LGSN: variants seen among roughly 807,000 people sequenced by gnomAD.
LGSN encodes lengsin.
A neutral mutation model predicts 19.5 loss-of-function variants in LGSN; 21 were observed. That is an observed-to-expected ratio of 1.07 (90% CI 0.76 to 1.55). The LOEUF (loss-of-function observed/expected upper bound fraction) is 1.55, where lower values mean the gene tolerates loss of function less well. Among genes scored for constraint, LGSN ranks in the 40% most tolerant of loss-of-function variants. LGSN has a pLI of 0.00. For missense variants in LGSN, 673 were observed against 608.5 expected, an observed-to-expected ratio of 1.11 and a Z score of -1.12; for synonymous variants, 257 against 215.6, an observed-to-expected ratio of 1.19 and a Z score of -1.68.
At chr6:63,551,389 C>T in the LGSN span, among the ~76,000 whole-genome samples, 2 of 151,996 alleles carry the variant, frequency 1.3e-5, no homozygotes, top group African/African-American at 4.8e-5. Context: ...TGGGCAACAA[C>T]AACAAAAAAT....
the LGSN span, among the ~76,000 whole-genome samples, chr6:63,403,978 C>T: frequency 6.6e-6 from 1 of 151,998 alleles, no homozygotes; most frequent in Non-Finnish European, 1.5e-5. Context: ...CTCTTTCTCT[C>T]TCCATTGCTG....
At chr6:63,572,882 G>A in the LGSN span, among the ~76,000 whole-genome samples, 12 of 152,148 alleles carry the variant, frequency 7.9e-5, no homozygotes, top group African/African-American at 2.9e-4. Context: ...CCCTGTGGCC[G>A]GCCGATTGCG....
At chr6:63,445,761 C>T in the LGSN span, among the ~76,000 whole-genome samples, 1 of 152,120 alleles carries the variant, frequency 6.6e-6, no homozygotes, top group Non-Finnish European at 1.5e-5. Flanking sequence ...GCTTTATAAA[C>T]TCTCATCTGA....
the LGSN span, among the ~76,000 whole-genome samples, chr6:63,430,587 C>T: frequency 6.6e-5 from 10 of 152,030 alleles, no homozygotes; most frequent in Non-Finnish European, 1.5e-4. Flanking sequence ...TGGGATTTCA[C>T]CATGTGGCTA....
At chr6:63,341,147 G>C in the LGSN span, among the ~76,000 whole-genome samples, 1 of 152,180 alleles carries the variant, frequency 6.6e-6, no homozygotes, top group South Asian at 2.1e-4. Context: ...ACACCAGGCA[G>C]TCCAGTCCTC....
the LGSN span, chr6:63,572,201 ATC>A: frequency 1.9e-5 from 3 of 156,092 alleles, no homozygotes; most frequent in East Asian, 1.9e-4. Context: ...ATAAATCGGA[ATC>A]TCTCTCGCTC....
the LGSN span, among the ~76,000 whole-genome samples, chr6:63,360,340 C>T: frequency 6.6e-6 from 1 of 152,200 alleles, no homozygotes; most frequent in African/African-American, 2.4e-5. Context: ...TCTCATATTT[C>T]TTGGAGGCTT....
chr6:63,332,904 A>G, the LGSN span, among the ~76,000 whole-genome samples: 444 of 151,962 alleles, frequency 2.9e-3, 3 homozygotes, highest in African/African-American at 0.01. Flanking sequence ...GAATGAAGCC[A>G]CGGACCCTCG....
At chr6:63,536,555 C>T in the LGSN span, among the ~76,000 whole-genome samples, 2 of 152,060 alleles carry the variant, frequency 1.3e-5, no homozygotes, top group Non-Finnish European at 2.9e-5. Context: ...AACAAATCAC[C>T]ACTTATATTT....
the LGSN span, among the ~76,000 whole-genome samples, chr6:63,432,117 GAA>G: frequency 1.1e-5 from 1 of 92,856 alleles, no homozygotes; most frequent in Non-Finnish European, 2.2e-5. Flanking sequence ...AAGAAAGAAA[GAA>G]AGAAAGAAAG....
At chr6:63,531,032 T>C in the LGSN span, among the ~76,000 whole-genome samples, 1 of 152,238 alleles carries the variant, frequency 6.6e-6, no homozygotes, top group Non-Finnish European at 1.5e-5. Flanking sequence ...GAGCTTTGCT[T>C]GTGAAAATTC....
At chr6:63,467,235 C>T in the LGSN span, among the ~76,000 whole-genome samples, 3 of 149,630 alleles carry the variant, frequency 2.0e-5, no homozygotes, top group African/African-American at 7.4e-5. Context: ...GACTTTGAGG[C>T]AGTAAACAAT....
chr6:63,316,231 T>C (rs1003492874), intron 1 of LGSN, among the ~76,000 whole-genome samples: 1 of 152,150 alleles, frequency 6.6e-6, no homozygotes, highest in Non-Finnish European at 1.5e-5. Context: ...CCGAGAATGA[T>C]AGAGCAACGA....
At chr6:63,552,229 C>T in the LGSN span, among the ~76,000 whole-genome samples, 1 of 152,216 alleles carries the variant, frequency 6.6e-6, no homozygotes, top group Non-Finnish European at 1.5e-5. Context: ...GGCATTCTAA[C>T]TGGTGTGAGA....
the LGSN span, among the ~76,000 whole-genome samples, chr6:63,554,162 C>T: frequency 6.6e-6 from 1 of 152,190 alleles, no homozygotes; most frequent in Admixed American, 6.5e-5. Context: ...AAAGACTTTA[C>T]AATCCTCACC....
chr6:63,493,770 G>GT, the LGSN span, among the ~76,000 whole-genome samples: 14 of 152,012 alleles, frequency 9.2e-5, no homozygotes, highest in African/African-American at 3.4e-4. Flanking sequence ...TCTGATTCAG[G>GT]TATCAGTTCT....
At chr6:63,418,591 A>G in the LGSN span, among the ~76,000 whole-genome samples, 1 of 152,138 alleles carries the variant, frequency 6.6e-6, no homozygotes, top group Admixed American at 6.6e-5. Context: ...AGCAAATGAA[A>G]CAAACATAAA....
chr6:63,380,389 G>A, the LGSN span, among the ~76,000 whole-genome samples: 3 of 152,174 alleles, frequency 2.0e-5, no homozygotes, highest in Non-Finnish European at 4.4e-5. Context: ...TGATGGAGAT[G>A]AGTCTGCAGA....
At chr6:63,559,828 G>GAGAA in the LGSN span, among the ~76,000 whole-genome samples, 1 of 152,142 alleles carries the variant, frequency 6.6e-6, no homozygotes, top group Non-Finnish European at 1.5e-5. Context: ...TCTGAGGCAG[G>GAGAA]TTTGCCCAGG....
Sources: allele counts gnomAD v4.1 joint callset (sites outside exome capture counted in the v4.1 genomes callset), GRCh38; gene constraint gnomAD v4.1.1; transcripts MANE v1.5; gene names NCBI Gene and HGNC (gene_info 2026-07-23, HGNC 2026-07-21).